Variants in SAP130 observed in about 807,000 individuals in gnomAD.
SAP130 encodes the protein histone deacetylase complex subunit SAP130.
A neutral mutation model predicts 103.2 loss-of-function variants in SAP130; 16 were observed. That is an observed-to-expected ratio of 0.16 (90% CI 0.10 to 0.24). The LOEUF (loss-of-function observed/expected upper bound fraction) is 0.24. SAP130 is among the 10% of genes least tolerant of loss of function. The pLI is 1.00. For synonymous variants in SAP130, 477 were observed against 497.0 expected, an observed-to-expected ratio of 0.96 and a Z score of 0.53; for missense variants, 990 against 1,359.7, an observed-to-expected ratio of 0.73 and a Z score of 4.28.
At chr2:127,971,633 A>T (rs571316236) in intron 15 of SAP130, among the ~76,000 whole-genome samples, 1 of 152,298 alleles carries the variant, frequency 6.6e-6, no homozygotes, top group East Asian at 1.9e-4. Context: ...TCTCTTGTGC[A>T]GTTTTAATTT....
Position 127,941,975 on chromosome 2 carries a change from A to G in SAP130, c.*31T>C. ...CCACCCCCACCATCATTCTTCATAA[A>G]TTTGCTTCCAATCTCCTGATTGTTC... On this transcript the variant is annotated 3_prime_UTR_variant, in exon 21 of 21. Coordinates refer to ENST00000643581, the MANE Select transcript of SAP130 (RefSeq NM_001330301.2). The G allele has an allele frequency of 1.1e-6, 1 of 927,912 alleles. No homozygotes were observed. The highest frequency in any genetic ancestry group is 1.6e-5 in the South Asian group (1 of 62,772). The allele number at this position is 927,912 out of a possible 1,614,324, so 57.5% of individuals were successfully genotyped here.
chr2:127,990,216 T>C (rs944450486), intron 12 of SAP130, among the ~76,000 whole-genome samples: 1 of 152,062 alleles, frequency 6.6e-6, no homozygotes, highest in African/African-American at 2.4e-5. Flanking sequence ...GTCAAGAACC[T>C]CTGCTTTAAT....
intron 7 of SAP130, among the ~76,000 whole-genome samples, chr2:128,005,686 G>A (rs973025259): frequency 6.9e-6 from 1 of 145,434 alleles, no homozygotes; most frequent in African/African-American, 2.6e-5. Flanking sequence ...TCGCTCTGTT[G>A]CCCAGGCTGG....
intron 12 of SAP130, among the ~76,000 whole-genome samples, chr2:127,990,604 T>C (rs1469108971): frequency 2.6e-5 from 4 of 152,162 alleles, no homozygotes; most frequent in African/African-American, 9.7e-5. Context: ...AATGGCATAG[T>C]GGGTCACTCA....
intron 14 of SAP130, among the ~76,000 whole-genome samples, chr2:127,985,922 A>G (rs1166409985): frequency 6.6e-6 from 1 of 152,062 alleles, no homozygotes; most frequent in Non-Finnish European, 1.5e-5. Context: ...GTGGAAGAGC[A>G]CATGACAGAC....
intron 15 of SAP130, among the ~76,000 whole-genome samples, chr2:127,970,896 G>A (rs1274834652): frequency 2.6e-5 from 4 of 151,844 alleles, no homozygotes; most frequent in South Asian, 2.1e-4. Context: ...ATGATATGAC[G>A]CATGCTTGGT....
chr2:127,983,820 GTTGTT>G (rs1484723297), intron 14 of SAP130, among the ~76,000 whole-genome samples: 67 of 112,366 alleles, frequency 6.0e-4, no homozygotes, highest in African/African-American at 2.4e-3. Flanking sequence ...CTATTACTTT[GTTGTT>G]TTTTTTTTTT....
At chr2:127,949,382 A>G (rs1422729282) in intron 18 of SAP130, among the ~76,000 whole-genome samples, 1 of 152,264 alleles carries the variant, frequency 6.6e-6, no homozygotes, top group African/African-American at 2.4e-5. Context: ...CACCAGAACA[A>G]CAGAACATTC....
chr2:128,001,220 G>A (rs1169364946), intron 7 of SAP130, among the ~76,000 whole-genome samples: 2 of 152,184 alleles, frequency 1.3e-5, no homozygotes, highest in African/African-American at 4.8e-5. Context: ...AAGAAAATTT[G>A]ACAGTATAAC....
intron 7 of SAP130, among the ~76,000 whole-genome samples, chr2:128,009,689 G>A (rs933600388): frequency 3.3e-5 from 5 of 152,034 alleles, no homozygotes; most frequent in East Asian, 1.9e-4. Flanking sequence ...TGCCCCAGCC[G>A]AGTCCATGTC....
At chr2:127,991,061 T>C (rs1682763156) in intron 12 of SAP130, among the ~76,000 whole-genome samples, 1 of 151,622 alleles carries the variant, frequency 6.6e-6, no homozygotes, top group Admixed American at 6.6e-5. Flanking sequence ...ACCAGCCTGG[T>C]CAACAGGGTG....
In SAP130 at chr2:127,951,437, C is replaced by T. The variant is rs1216080908; in HGVS notation, c.2423-1029G>A. 2.6e-5 allele frequency among the ~76,000 whole-genome samples: 4 copies of T among 152,254 alleles called. No homozygotes were observed. In the East Asian group the frequency reaches 7.7e-4, roughly 29 times the overall value. The stretch of plus-strand genomic sequence containing the variant: ...ACTGCCTCACACCCAATCTGAATTT[C>T]TAGCATCCAACTCCCTAGGTAAATC... On this transcript the variant is annotated intron_variant, in intron 16 of 20. Transcript: ENST00000643581.
rs371015231 is a variant in SAP130, at chr2:127,986,969, G to C, written c.1781-7C>G. ...CCATCTGCCAACACCACTGCTACAGGAGAGAGGCAACAGGAAAGAACATTG... is the reference window on the plus strand; with the variant it reads ...CCATCTGCCAACACCACTGCTACAGCAGAGAGGCAACAGGAAAGAACATTG... On this transcript the variant is annotated splice_region_variant and splice_polypyrimidine_tract_variant and intron_variant, in intron 13 of 20. Coordinates refer to ENST00000643581, the MANE Select transcript of SAP130 (RefSeq NM_001330301.2). The surrounding 1 kb of genome is among the most constrained non-coding windows in gnomAD (Gnocchi z 4.7). The C allele has an allele frequency of 1.7e-4, 266 of 1,604,966 alleles. No individual in the cohort carries two copies. The highest frequency in any genetic ancestry group is 2.2e-4 in the Non-Finnish European group (258 of 1,172,732).
intron 11 of SAP130, among the ~76,000 whole-genome samples, chr2:127,994,684 G>A (rs947639732): frequency 2.6e-5 from 4 of 152,134 alleles, no homozygotes; most frequent in Admixed American, 1.3e-4. Context: ...ATTTGAGCCC[G>A]GAAGTCGAGG....
chr2:127,949,747 T>C (rs769688182), intron 18 of SAP130, 122 bp downstream of exon 18: 6 of 1,048,252 alleles, frequency 5.7e-6, no homozygotes, highest in African/African-American at 1.6e-5. Context: ...CCTCAAGATT[T>C]TGTAACAAAA....
At position 127,950,546 on chromosome 2, in the gene SAP130, T is replaced by C. The variant is rs765567524; in HGVS notation, c.2423-138A>G. ...TATTGTCTTCCTATGTGTCTGGCAC[T>C]GTGCTAAGCACTCTGTGGCAGAAGC... On this transcript the variant is annotated intron_variant, in intron 16 of 20. Transcript: ENST00000643581. 63 of 977,972 alleles carry C rather than the reference T, an allele frequency of 6.4e-5. 1 individual carries two copies. Among genetic ancestry groups the C allele is most frequent in the Non-Finnish European group, 7.5e-5 (50 of 667,268 alleles). 60.6% of individuals were successfully genotyped at this position (977,972 alleles called of 1,614,324 possible).
chr2:127,986,445 ATGAGT>A lies in SAP130; in HGVS notation c.1958+335_1958+339del, dbSNP rs569359581. Among the ~76,000 whole-genome samples, 225 of 152,272 alleles carry A rather than the reference ATGAGT, an allele frequency of 1.5e-3. 1 individual carries two copies. The highest frequency in any genetic ancestry group is 0.01 in the Middle Eastern group (3 of 294). On this transcript the variant is annotated intron_variant, in intron 14 of 20. Coordinates refer to ENST00000643581, the MANE Select transcript of SAP130 (RefSeq NM_001330301.2). This position sits in a 1 kb window ranked among gnomAD's most constrained non-coding sequence, Gnocchi z 4.7. ...ATTCATGCTGAATGAAGTTTATAGTATGAGTTAAGGTAACTACCTACACAAGCCCA... is the reference window on the plus strand; with the variant it reads ...ATTCATGCTGAATGAAGTTTATAGTATAAGGTAACTACCTACACAAGCCCA...
intron 2 of SAP130, among the ~76,000 whole-genome samples, chr2:128,022,768 A>G (rs2105249232): frequency 6.6e-6 from 1 of 152,064 alleles, no homozygotes; most frequent in Non-Finnish European, 1.5e-5. Context: ...TCTGTACTCA[A>G]ATATTTTCCC....
chr2:128,022,067 C>A (rs1685198310), intron 2 of SAP130, among the ~76,000 whole-genome samples: 1 of 152,190 alleles, frequency 6.6e-6, no homozygotes, highest in African/African-American at 2.4e-5. Context: ...CAGATCATTT[C>A]CTGTTACTCC....
Sources: gnomAD v4.1 joint callset for allele counts (sites outside exome capture counted in the v4.1 genomes callset) on GRCh38, gnomAD v4.1.1 for gene constraint, Gnocchi (gnomAD v3.1) non-coding constraint, MANE v1.5 for transcripts, NCBI Gene and HGNC (gene_info 2026-07-23, HGNC 2026-07-21) for gene names.